Variants in ABLIM1 observed in about 807,000 individuals in gnomAD.
ABLIM1 encodes the protein actin-binding LIM protein 1.
ABLIM1 carries 40 observed loss-of-function variants against 107.0 expected under a neutral mutation model. That is an observed-to-expected ratio of 0.37 (90% CI 0.29 to 0.49). ABLIM1 has a LOEUF of 0.49. ABLIM1 is among the 20% of genes least tolerant of loss of function. The pLI is 0.97. For missense variants in ABLIM1, 857 were observed against 1,008.5 expected (o/e 0.85, Z 2.04); for synonymous variants, 357 against 357.3 (o/e 1.00, Z 0.01).
chr10:114,574,471 G>T (rs1266288364), intron 3 of ABLIM1, among the ~76,000 whole-genome samples: 8 of 151,244 alleles, frequency 5.3e-5, no homozygotes, highest in Non-Finnish European at 1.2e-4. Context: ...ATGGAGTCTT[G>T]CTGTGTCACC....
intron 1 of ABLIM1, among the ~76,000 whole-genome samples, chr10:114,748,672 T>G (rs1403669558): frequency 2.0e-5 from 3 of 151,624 alleles, no homozygotes; most frequent in Non-Finnish European, 4.4e-5. Flanking sequence ...TTTTTTTTTT[T>G]TAGTGATGAG....
intron 1 of ABLIM1, among the ~76,000 whole-genome samples, chr10:114,694,746 G>A (rs1204342659): frequency 6.6e-6 from 1 of 152,194 alleles, no homozygotes; most frequent in Non-Finnish European, 1.5e-5. Flanking sequence ...GCAAGAGCTG[G>A]GGAATTTGAC....
chr10:114,770,312 T>A (rs1157164879), upstream of ABLIM1, among the ~76,000 whole-genome samples: 1 of 152,188 alleles, frequency 6.6e-6, no homozygotes, highest in Non-Finnish European at 1.5e-5. Context: ...ATAGACATGA[T>A]CTATGCCCAC....
At chr10:114,465,981 A>G (rs545354207) in intron 11 of ABLIM1, among the ~76,000 whole-genome samples, 154 bp from the exon 12 acceptor site, 1 of 152,354 alleles carries the variant, frequency 6.6e-6, no homozygotes, top group African/African-American at 2.4e-5. Flanking sequence ...CAGGTATTTT[A>G]TATGCAAATA....
At chr10:114,755,648 C>T (rs948657169) in intron 1 of ABLIM1, among the ~76,000 whole-genome samples, 4 of 152,226 alleles carry the variant, frequency 2.6e-5, no homozygotes, top group Admixed American at 2.6e-4. Flanking sequence ...TCAGTGAGGT[C>T]CTCAGGTAAG....
At chr10:114,494,133 G>T (rs191174035) in intron 6 of ABLIM1, among the ~76,000 whole-genome samples, 42 of 152,288 alleles carry the variant, frequency 2.8e-4, no homozygotes, top group Admixed American at 1.4e-3. Context: ...TATGATAAAG[G>T]TAATGGTTCA....
At chr10:114,731,287 C>T (rs1205355559) in intron 1 of ABLIM1, among the ~76,000 whole-genome samples, 1 of 150,988 alleles carries the variant, frequency 6.6e-6, no homozygotes, top group East Asian at 2.0e-4. Flanking sequence ...ATTACAGGTG[C>T]CTGCCACCAC....
rs1411659217 is a variant in ABLIM1 at position 114,439,236 on chromosome 10, G to T, written c.2082C>A (p.Gly694=). 8.7e-6 allele frequency: 14 copies of T among 1,614,118 alleles called. No homozygotes were observed. The highest frequency in any genetic ancestry group is 1.2e-5 in the Non-Finnish European group (14 of 1,180,044). Residue 694 remains glycine (G), a synonymous_variant, in exon 21 of 23, where the codon GGC becomes GGA. Coordinates refer to ENST00000533213, the MANE Select transcript of ABLIM1 (RefSeq NM_002313.7). ...GVRDYQTLPD[G]HMPAMRMDRG... is the part of the protein sequence containing the mutation. ...GGTCCATTCTCATTGCAGGCATGTG[G>T]CCATCTGGGAGTGTCTGCAACAGAA...
At chr10:114,609,140 G>A (rs190264976) in intron 1 of ABLIM1, among the ~76,000 whole-genome samples, 15 of 152,302 alleles carry the variant, frequency 9.8e-5, no homozygotes, top group Admixed American at 2.6e-4. Flanking sequence ...AACTACCTCT[G>A]CTGAGTACTT....
chr10:114,635,080 C>T (rs1041354912), intron 1 of ABLIM1, among the ~76,000 whole-genome samples: 1 of 152,152 alleles, frequency 6.6e-6, no homozygotes, highest in African/African-American at 2.4e-5. Flanking sequence ...AGATGATTTC[C>T]AAAGAACTTA....
At chr10:114,449,911 G>A (rs10885567) in intron 14 of ABLIM1, among the ~76,000 whole-genome samples, 10,881 of 152,158 alleles carry the variant, frequency 0.072, 438 homozygotes, top group East Asian at 0.17. Flanking sequence ...AATTATAACA[G>A]CCTGAAAGAC....
At chr10:114,487,441 C>T (rs1055256449) in intron 8 of ABLIM1, among the ~76,000 whole-genome samples, 14 of 152,256 alleles carry the variant, frequency 9.2e-5, no homozygotes, top group East Asian at 1.9e-4. Flanking sequence ...GGAGGTGTTC[C>T]GAGAATTGAC....
chr10:114,690,885 T>C (rs1197404650), intron 1 of ABLIM1, among the ~76,000 whole-genome samples: 9 of 152,228 alleles, frequency 5.9e-5, no homozygotes, highest in Admixed American at 4.6e-4. Flanking sequence ...TTTCGCCATG[T>C]TGGCCAGGCT....
chr10:114,541,509 G>A (rs1190406633), intron 6 of ABLIM1, among the ~76,000 whole-genome samples: 2 of 151,680 alleles, frequency 1.3e-5, no homozygotes, highest in Non-Finnish European at 2.9e-5. Flanking sequence ...AGACCGTCCT[G>A]CTTTGTGTTG....
chr10:114,565,521 A>G (rs1482544750), intron 4 of ABLIM1, among the ~76,000 whole-genome samples: 2 of 152,150 alleles, frequency 1.3e-5, no homozygotes, highest in African/African-American at 4.8e-5. Context: ...GAAGTGGAGG[A>G]TGGGGAAGTA....
intron 3 of ABLIM1, among the ~76,000 whole-genome samples, chr10:114,573,967 T>A (rs1740608183): frequency 6.6e-6 from 1 of 152,342 alleles, no homozygotes; most frequent in Non-Finnish European, 1.5e-5. Flanking sequence ...TCATCCAGAA[T>A]TATTAAATTA....
intron 6 of ABLIM1, among the ~76,000 whole-genome samples, chr10:114,539,671 C>G (rs2066425162): frequency 6.6e-6 from 1 of 152,106 alleles, no homozygotes; most frequent in Admixed American, 6.5e-5. Flanking sequence ...GTTGCTGTTT[C>G]TTTTCTTTAT....
intron 1 of ABLIM1, among the ~76,000 whole-genome samples, chr10:114,710,603 T>C (rs1027622243): frequency 6.6e-6 from 1 of 152,070 alleles, no homozygotes; most frequent in African/African-American, 2.4e-5. Context: ...AGCCAAACCA[T>C]ATCACCCATC....
chr10:114,563,770 T>C (rs1299163944), intron 4 of ABLIM1, among the ~76,000 whole-genome samples: 1 of 144,856 alleles, frequency 6.9e-6, no homozygotes, highest in Non-Finnish European at 1.5e-5. Context: ...CACTTGAACC[T>C]GGCAGGCGGA....
Sources: gnomAD v4.1 joint callset for allele counts (sites outside exome capture counted in the v4.1 genomes callset) on GRCh38, gnomAD v4.1.1 for gene constraint, MANE v1.5 for transcripts, NCBI Gene and HGNC (gene_info 2026-07-23, HGNC 2026-07-21) for gene names.